The following SRGAP1 variants were observed in gnomAD, a reference collection of about 807,000 sequenced individuals.
SRGAP1 encodes SLIT-ROBO Rho GTPase-activating protein 1.
SRGAP1 carries 43 observed loss-of-function variants against 121.9 expected under a neutral mutation model. The observed-to-expected ratio is 0.35, with a 90% CI of 0.28 to 0.46. The LOEUF is 0.46. Ranked by LOEUF, SRGAP1 falls within the 20% of genes least tolerant of loss-of-function variation. The pLI is 1.00. For missense variants in SRGAP1, 1,102 were observed against 1,350.9 expected (o/e 0.82, Z 2.89); for synonymous variants, 447 against 485.4 (o/e 0.92, Z 1.04).
At chr12:63,936,855 C>T (rs188621468) in intron 1 of SRGAP1, among the ~76,000 whole-genome samples, 96 of 152,136 alleles carry the variant, frequency 6.3e-4, no homozygotes, top group African/African-American at 2.1e-3. Context: ...ATAATTATTC[C>T]CTATACTGAT....
intron 3 of SRGAP1, among the ~76,000 whole-genome samples, chr12:64,012,637 C>T (rs567352722): frequency 5.5e-5 from 8 of 146,716 alleles, no homozygotes; most frequent in African/African-American, 7.7e-5. Flanking sequence ...ACTGCAGCCT[C>T]GAACTCTTAG....
rs1262744198 is a variant in SRGAP1 at position 64,127,713 on chromosome 12, C to T, written c.2529C>T (p.Gly843=). ...MNSPTDRHPD[G]YLARQRKRGE... is the part of the protein sequence containing the mutation. ...CCCCGACAGACCGTCATCCTGACGG[C>T]TATTTAGCCAGGTAAGTAGAGCCTG... The change falls in exon 20 of 22, where the codon GGC becomes GGT. Residue 843 remains glycine, a synonymous_variant. Coordinates refer to ENST00000355086, the MANE Select transcript of SRGAP1 (RefSeq NM_020762.4). The T allele has an allele frequency of 6.2e-7, 1 of 1,613,932 alleles. No homozygotes were observed. Among genetic ancestry groups the T allele is most frequent in the African/African-American group, 1.3e-5 (1 of 74,912 alleles).
chr12:64,115,055 C>T (rs2036495632), intron 17 of SRGAP1, among the ~76,000 whole-genome samples: 2 of 152,102 alleles, frequency 1.3e-5, no homozygotes, highest in Admixed American at 1.3e-4. Context: ...TCATGATTCT[C>T]ATACAGATAT....
intron 3 of SRGAP1, among the ~76,000 whole-genome samples, chr12:64,007,163 C>T (rs1177850079): frequency 3.3e-5 from 5 of 152,002 alleles, no homozygotes; most frequent in Admixed American, 2.0e-4. Context: ...AATAATGAAC[C>T]GTTATCTGTG....
chr12:64,091,357 G>A lies in SRGAP1; in HGVS notation c.1518G>A (p.Gly506=). Reference sequence around the variant, plus strand: ...AGTATAATACTAAGTTGTTTAATGGGGATTTGGAAACATTCGTCAAGGTAC... The same window carrying A: ...AGTATAATACTAAGTTGTTTAATGGAGATTTGGAAACATTCGTCAAGGTAC... The part of the protein sequence containing the change: ...RSQYNTKLFN[G]DLETFVKDSG... Residue 506 remains glycine, a synonymous_variant, in exon 12 of 22, where the codon GGG becomes GGA. Transcript: ENST00000355086. 1 of 1,606,272 alleles carries A rather than the reference G, an allele frequency of 6.2e-7. No individual in the cohort carries two copies. The highest frequency in any genetic ancestry group is 2.2e-5 in the East Asian group (1 of 44,708).
intron 4 of SRGAP1, among the ~76,000 whole-genome samples, chr12:64,030,004 A>T (rs992690260): frequency 6.6e-6 from 1 of 152,196 alleles, no homozygotes; most frequent in East Asian, 1.9e-4. Context: ...TTACCCCACT[A>T]CAATGAGTAC....
At chr12:63,869,748 A>G (rs79436216) in intron 1 of SRGAP1, among the ~76,000 whole-genome samples, 3,654 of 152,350 alleles carry the variant, frequency 0.024, 68 homozygotes, top group Middle Eastern at 0.048. Context: ...AAAGTTTGCT[A>G]TTAGGTTGGT....
intron 10 of SRGAP1, among the ~76,000 whole-genome samples, chr12:64,082,563 G>C (rs1468092791): frequency 6.6e-6 from 1 of 151,602 alleles, no homozygotes; most frequent in African/African-American, 2.4e-5. Flanking sequence ...TGATTCTCCA[G>C]CCTTGCCTGC....
chr12:64,007,885 G>T (rs767437790), intron 3 of SRGAP1, among the ~76,000 whole-genome samples: 13 of 152,164 alleles, frequency 8.5e-5, no homozygotes, highest in Non-Finnish European at 1.8e-4. Flanking sequence ...ATTCTAAAAA[G>T]TAAATCTTGA....
intron 3 of SRGAP1, among the ~76,000 whole-genome samples, chr12:63,990,473 A>C (rs546109271): frequency 2.6e-5 from 4 of 152,360 alleles, no homozygotes; most frequent in Non-Finnish European, 5.9e-5. Context: ...CGGAGGTTGC[A>C]GTGAGCCAAG....
At chr12:64,006,530 C>T (rs935842162) in intron 3 of SRGAP1, among the ~76,000 whole-genome samples, 13 of 152,118 alleles carry the variant, frequency 8.5e-5, no homozygotes, top group African/African-American at 2.7e-4. Flanking sequence ...GTTATCTAAG[C>T]AATTAAGGAT....
At chr12:64,020,656 A>G (rs375341719) in intron 4 of SRGAP1, among the ~76,000 whole-genome samples, 59 of 152,196 alleles carry the variant, frequency 3.9e-4, no homozygotes, top group African/African-American at 1.3e-3. Flanking sequence ...CAGCCTGGCC[A>G]ACATGGTGAA....
At chr12:64,056,855 C>T (rs2136527758) in intron 6 of SRGAP1, among the ~76,000 whole-genome samples, 1 of 152,292 alleles carries the variant, frequency 6.6e-6, no homozygotes, top group Non-Finnish European at 1.5e-5. Context: ...TGCTTCTTTT[C>T]ATTTATGTTG....
chr12:63,925,917 C>T (rs1356888711), intron 1 of SRGAP1, among the ~76,000 whole-genome samples: 1 of 152,120 alleles, frequency 6.6e-6, no homozygotes, highest in African/African-American at 2.4e-5. Flanking sequence ...CCATTTTGTT[C>T]TTTAATTCAC....
chr12:63,990,099 G>A (rs764206883), intron 3 of SRGAP1, 27 bp downstream of exon 3: 1 of 1,554,624 alleles, frequency 6.4e-7, no homozygotes, highest in South Asian at 1.3e-5. Flanking sequence ...CTGCCATAGT[G>A]TGCTTTCCAA....
chr12:64,146,627 G>C lies in SRGAP1; in HGVS notation c.*3955G>C. On this transcript the variant is annotated 3_prime_UTR_variant, in exon 22 of 22. Coordinates refer to ENST00000355086, the MANE Select transcript of SRGAP1 (RefSeq NM_020762.4). ...CAGTGAGAGGCCATTTTTTGTGCAG[G>C]AAATGTGCTTAGGACTCAGTCTTGT... The C allele has an allele frequency of 6.6e-6, 1 of 152,094 alleles. No homozygotes were observed. The allele number at this position is 152,094 out of a possible 1,614,324, so 9.4% of individuals were successfully genotyped here. A position where few individuals can be genotyped will look rare whatever the true frequency, so the allele number is the denominator to read the frequency against.
At chr12:64,116,320 A>G (rs977308285) in intron 18 of SRGAP1, among the ~76,000 whole-genome samples, 7 of 152,046 alleles carry the variant, frequency 4.6e-5, no homozygotes, top group Admixed American at 1.3e-4. Flanking sequence ...GGTATAAAAA[A>G]TAACATTACA....
chr12:63,929,417 T>C (rs2031378761), intron 1 of SRGAP1, among the ~76,000 whole-genome samples: 1 of 152,222 alleles, frequency 6.6e-6, no homozygotes, highest in African/African-American at 2.4e-5. Context: ...ACTCTGATCT[T>C]CATGACAGCA....
chr12:63,890,163 A>G (rs778422944), intron 1 of SRGAP1, among the ~76,000 whole-genome samples: 1 of 152,168 alleles, frequency 6.6e-6, no homozygotes, highest in African/African-American at 2.4e-5. Context: ...ACTCACCGTT[A>G]TTCTTAGCTC....
Sources: allele counts gnomAD v4.1 joint callset (sites outside exome capture counted in the v4.1 genomes callset), GRCh38; gene constraint gnomAD v4.1.1; transcripts MANE v1.5; gene names NCBI Gene and HGNC (gene_info 2026-07-23, HGNC 2026-07-21).